The following SRPK2 variants were observed in gnomAD, a reference collection of about 807,000 sequenced individuals.
SRPK2 encodes the protein SFRS protein kinase 2.
Under a neutral mutation model 90.8 loss-of-function variants are expected in SRPK2, and 21 were observed. That is an observed-to-expected ratio of 0.23 (90% CI 0.16 to 0.33). The LOEUF (loss-of-function observed/expected upper bound fraction) is 0.33, where lower values mean the gene tolerates loss of function less well. Ranked by LOEUF, SRPK2 falls within the 10% of genes least tolerant of loss-of-function variation. The pLI is 1.00. For missense variants in SRPK2, 620 were observed against 869.0 expected, an observed-to-expected ratio of 0.71 and a Z score of 3.60; for synonymous variants, 288 against 311.1, an observed-to-expected ratio of 0.93 and a Z score of 0.78.
At chr7:105,294,103 C>A (rs764635463) in intron 2 of SRPK2, among the ~76,000 whole-genome samples, 11 of 152,168 alleles carry the variant, frequency 7.2e-5, no homozygotes, top group Non-Finnish European at 1.2e-4. Context: ...TACCTGTACC[C>A]ATGTGCCCCT....
chr7:105,226,583 G>C (rs1013512575), intron 2 of SRPK2, among the ~76,000 whole-genome samples: 1 of 152,040 alleles, frequency 6.6e-6, no homozygotes, highest in African/African-American at 2.4e-5. Flanking sequence ...CCACCATGCC[G>C]GGCCAAAATT....
At chr7:105,212,848 T>C (rs1053076241) in intron 2 of SRPK2, among the ~76,000 whole-genome samples, 7 of 152,202 alleles carry the variant, frequency 4.6e-5, no homozygotes, top group Non-Finnish European at 8.8e-5. Context: ...CAAACAACTA[T>C]GGATCCTAAA....
rs1801227779 is a variant in SRPK2, at chr7:105,126,470, T to C, written c.1823-130A>G. The C allele has an allele frequency of 4.5e-5, 31 of 696,492 alleles. No homozygotes were observed. In the South Asian group the frequency reaches 5.5e-4, roughly 12 times the overall value. The allele number at this position is 696,492 out of a possible 1,614,324, so 43.1% of individuals were successfully genotyped here. ...TCAAATCAACAGTGTCTGCAGCACA[T>C]CCATGCAGAGGCTTGTGGGAATGGC... On this transcript the variant is annotated intron_variant, in intron 14 of 15. Coordinates refer to ENST00000393651, the MANE Select transcript of SRPK2 (RefSeq NM_182692.3).
intron 2 of SRPK2, among the ~76,000 whole-genome samples, chr7:105,299,680 G>A (rs1470404067): frequency 1.3e-5 from 2 of 152,116 alleles, no homozygotes; most frequent in African/African-American, 2.4e-5. Context: ...ACCATCTGAG[G>A]TCAGGAGTTC....
intron 7 of SRPK2, among the ~76,000 whole-genome samples, chr7:105,159,804 A>G (rs900001730): frequency 6.6e-6 from 1 of 152,230 alleles, no homozygotes; most frequent in Admixed American, 6.5e-5. Context: ...TATATGAGTT[A>G]AACATTTCCA....
chr7:105,136,106 G>A (rs1802765309), intron 11 of SRPK2, among the ~76,000 whole-genome samples: 1 of 152,108 alleles, frequency 6.6e-6, no homozygotes, highest in African/African-American at 2.4e-5. Flanking sequence ...CCCTCATTAA[G>A]GTTCACTGAA....
intron 15 of SRPK2, 65 bp from the exon 16 acceptor site, chr7:105,118,087 A>G (rs953830276): frequency 6.4e-6 from 10 of 1,567,806 alleles, no homozygotes; most frequent in African/African-American, 1.4e-5. Flanking sequence ...TTGTTGGTCC[A>G]GTCAGGTTCT....
At chr7:105,246,447 T>C (rs1410642573) in intron 2 of SRPK2, among the ~76,000 whole-genome samples, 1 of 152,192 alleles carries the variant, frequency 6.6e-6, no homozygotes, top group East Asian at 1.9e-4. Flanking sequence ...TGATGTAAAG[T>C]AGACAGCTGG....
intron 2 of SRPK2, among the ~76,000 whole-genome samples, chr7:105,257,301 T>C (rs571859536): frequency 1.3e-5 from 2 of 152,326 alleles, no homozygotes; most frequent in East Asian, 1.9e-4. Flanking sequence ...CTGTTGAAAG[T>C]AGAGTTTTTA....
intron 2 of SRPK2, among the ~76,000 whole-genome samples, chr7:105,229,295 C>G (rs1326600951): frequency 6.6e-6 from 1 of 152,130 alleles, no homozygotes; most frequent in Non-Finnish European, 1.5e-5. Flanking sequence ...AACCCCATCT[C>G]TAATAAAAAT....
chr7:105,136,024 C>G (rs779756256), intron 11 of SRPK2, among the ~76,000 whole-genome samples: 1 of 152,130 alleles, frequency 6.6e-6, no homozygotes, highest in Non-Finnish European at 1.5e-5. Flanking sequence ...CTTGGCCTCC[C>G]AAAGTGCCGG....
Position 105,220,716 on chromosome 7 carries a change from T to C in SRPK2, c.72-16931A>G, listed in dbSNP as rs556887013. Among the ~76,000 whole-genome samples, 4 of 152,332 alleles carry C rather than the reference T, an allele frequency of 2.6e-5. No homozygotes were observed. The East Asian group carries it at 5.8e-4, about 22-fold the overall frequency. On this transcript the variant is annotated intron_variant, in intron 2 of 15. Coordinates refer to ENST00000393651, the MANE Select transcript of SRPK2 (RefSeq NM_182692.3). ...TACCATTTACCACTCCAGTTGAATG[T>C]CACTATATTGTTTTCACTAAGACTC...
intron 2 of SRPK2, among the ~76,000 whole-genome samples, chr7:105,379,436 A>G (rs1325113880): frequency 6.6e-6 from 1 of 152,024 alleles, no homozygotes; most frequent in African/African-American, 2.4e-5. Context: ...CCCAGAACCA[A>G]TCCTCCAAGC....
chr7:105,219,555 C>T (rs77953872), intron 2 of SRPK2, among the ~76,000 whole-genome samples: 2 of 152,224 alleles, frequency 1.3e-5, no homozygotes, highest in Non-Finnish European at 2.9e-5. Flanking sequence ...CTAGAAGCCA[C>T]TCCCTGTTTA....
chr7:105,328,561 CAAAAAAAAAAA>C (rs1192103331), intron 2 of SRPK2, among the ~76,000 whole-genome samples: 5 of 47,196 alleles, frequency 1.1e-4, no homozygotes, highest in African/African-American at 2.0e-4. Context: ...GGCTCTGTCT[CAAAAAAAAAAA>C]AAAAAAAAAA....
chr7:105,390,569 C>T (rs927585089), upstream of SRPK2, among the ~76,000 whole-genome samples: 1 of 150,930 alleles, frequency 6.6e-6, no homozygotes, highest in Non-Finnish European at 1.5e-5. Context: ...GCTGGGATTA[C>T]AGGCATACAC....
chr7:105,305,415 C>T (rs201951276), intron 2 of SRPK2, among the ~76,000 whole-genome samples: 25,148 of 150,926 alleles, frequency 0.17, 2,724 homozygotes, highest in East Asian at 0.61. Context: ...CACACAGTCT[C>T]GCACAATAGA....
intron 3 of SRPK2, among the ~76,000 whole-genome samples, chr7:105,192,009 T>TGGTC (rs1362524647): frequency 6.6e-6 from 1 of 151,458 alleles, no homozygotes; most frequent in Non-Finnish European, 1.5e-5. Flanking sequence ...CCACCATGCC[T>TGGTC]GGTCCACTTA....
chr7:105,316,983 T>C (rs1812382608), intron 2 of SRPK2, among the ~76,000 whole-genome samples: 1 of 152,234 alleles, frequency 6.6e-6, no homozygotes, highest in Non-Finnish European at 1.5e-5. Context: ...CACTCCTTTA[T>C]ACCTGAAAAT....
Sources: allele counts gnomAD v4.1 joint callset (sites outside exome capture counted in the v4.1 genomes callset), GRCh38; gene constraint gnomAD v4.1.1; transcripts MANE v1.5; gene names NCBI Gene and HGNC (gene_info 2026-07-23, HGNC 2026-07-21).